Variants in TMEM255A observed in about 807,000 individuals in gnomAD.
TMEM255A encodes transmembrane protein 255A.
In TMEM255A, 14 loss-of-function variants were observed where a neutral mutation model predicts 23.5. The observed-to-expected ratio is 0.60, with a 90% CI of 0.39 to 0.93. The LOEUF (loss-of-function observed/expected upper bound fraction) is 0.93, where lower values mean the gene tolerates loss of function less well. TMEM255A is among the 40% of genes least tolerant of loss of function. The probability of loss-of-function intolerance (pLI) is 0.00; values close to 1 mark genes in which losing one functional copy is unlikely to be tolerated. For synonymous variants in TMEM255A, 104 were observed against 100.3 expected (o/e 1.04, Z -0.22); for missense variants, 233 against 261.7 (o/e 0.89, Z 0.76).
chrX:120,299,388 C>T (rs782551963), intron 2 of TMEM255A, among the ~76,000 whole-genome samples: 2 of 110,934 alleles, frequency 1.8e-5, no homozygotes, highest in Admixed American at 9.5e-5. Flanking sequence ...TAGCTCATTG[C>T]AGCCGGCCTC....
downstream of TMEM255A, chrX:120,254,541 C>T: frequency 8.3e-7 from 1 of 1,211,324 alleles, no homozygotes; most frequent in Non-Finnish European, 1.1e-6. Context: ...ACAGAAGATG[C>T]AGATTCCTAC....
chrX:120,264,936 GGC>G (rs2057705732), intron 8 of TMEM255A, among the ~76,000 whole-genome samples: 4 of 105,682 alleles, frequency 3.8e-5, no homozygotes, highest in Non-Finnish European at 7.7e-5. Flanking sequence ...GGAGTGCAAT[GGC>G]GTGATCTCGG....
At chrX:120,252,139 G>T in the TMEM255A span, among the ~76,000 whole-genome samples, 1 of 111,366 alleles carries the variant, frequency 9.0e-6, no homozygotes, top group South Asian at 3.7e-4. Context: ...TTGTTCTTAA[G>T]GTATCATTTT....
chrX:120,282,405 T>C (rs1325787744), intron 6 of TMEM255A, among the ~76,000 whole-genome samples: 1 of 111,618 alleles, frequency 9.0e-6, no homozygotes, highest in East Asian at 2.8e-4. Flanking sequence ...ACTAGGTAGG[T>C]GAAAGACATT....
Position 120,291,407 on chromosome X carries a change from A to G in TMEM255A, c.265-67T>C, listed in dbSNP as rs140941685. 2.7e-3 allele frequency: 2,415 copies of G among 910,479 alleles called. 38 individuals are homozygous for G. The African/African-American group carries it at 0.042, about 16-fold the overall frequency. 75.0% of individuals were successfully genotyped at this position (910,479 alleles called of 1,213,427 possible). On this transcript the variant is annotated intron_variant, in intron 3 of 8. Transcript: ENST00000371369. ...CACTTGCTGCCTCTGGGGACCAGGCAATCCCCAAGAGACTTCCAGCCAAAG... is the reference window on the plus strand; with the variant it reads ...CACTTGCTGCCTCTGGGGACCAGGCGATCCCCAAGAGACTTCCAGCCAAAG...
intron 7 of TMEM255A, 25 bp downstream of exon 7, chrX:120,276,860 A>G: frequency 1.7e-6 from 2 of 1,201,696 alleles, no homozygotes; most frequent in South Asian, 3.6e-5. Flanking sequence ...GCCACTGTGA[A>G]ATGCAAAGTC....
intron 6 of TMEM255A, among the ~76,000 whole-genome samples, chrX:120,279,090 A>G (rs2048725153): frequency 8.9e-6 from 1 of 112,370 alleles, no homozygotes; most frequent in South Asian, 3.7e-4. Context: ...AAGTTCATCA[A>G]TGTTTGAGAC....
intron 1 of TMEM255A, among the ~76,000 whole-genome samples, chrX:120,306,305 G>T (rs143813915): frequency 0.072 from 7,959 of 111,179 alleles, 300 homozygotes; most frequent in South Asian, 0.18. Context: ...GTAGAGGGTT[G>T]GGGGAAGGCC....
chrX:120,301,585 C>G (rs2058033876), intron 2 of TMEM255A, among the ~76,000 whole-genome samples: 2 of 110,863 alleles, frequency 1.8e-5, no homozygotes, highest in Admixed American at 9.6e-5. Flanking sequence ...CCCCCCACCC[C>G]CCACGGATTC....
At chrX:120,310,494 G>A (rs1388199875) in intron 1 of TMEM255A, among the ~76,000 whole-genome samples, 3 of 111,852 alleles carry the variant, frequency 2.7e-5, no homozygotes, top group Non-Finnish European at 5.7e-5. Flanking sequence ...CAGAAGATGC[G>A]CGGGCTCGCG....
intron 8 of TMEM255A, among the ~76,000 whole-genome samples, chrX:120,263,401 C>T (rs1471356237): frequency 8.9e-6 from 1 of 112,086 alleles, no homozygotes; most frequent in Non-Finnish European, 1.9e-5. Context: ...GCTGGGGTGG[C>T]CAACAGGCTG....
At chrX:120,284,534 A>G (rs1486345783) in intron 6 of TMEM255A, among the ~76,000 whole-genome samples, 1 of 102,045 alleles carries the variant, frequency 9.8e-6, no homozygotes, top group Non-Finnish European at 1.9e-5. Flanking sequence ...GTGCACGTGC[A>G]CGCACACACA....
intron 6 of TMEM255A, among the ~76,000 whole-genome samples, chrX:120,281,638 T>C (rs782506618): frequency 6.2e-5 from 7 of 112,901 alleles, no homozygotes; most frequent in Non-Finnish European, 9.4e-5. Flanking sequence ...TAGCACATAG[T>C]AGGAGCTCAA....
chrX:120,283,446 C>G (rs782653062), intron 6 of TMEM255A, among the ~76,000 whole-genome samples: 23 of 110,648 alleles, frequency 2.1e-4, no homozygotes, highest in Non-Finnish European at 3.4e-4. Context: ...AGTAACTGAC[C>G]CCAAAATACC....
intron 1 of TMEM255A, among the ~76,000 whole-genome samples, chrX:120,306,837 C>T (rs781992608): frequency 8.9e-6 from 1 of 112,184 alleles, no homozygotes; most frequent in Non-Finnish European, 1.9e-5. Flanking sequence ...AGAAAAGTGA[C>T]TCAGCAAACC....
At chrX:120,287,444 C>T (rs2057885378) in intron 4 of TMEM255A, among the ~76,000 whole-genome samples, 3 of 111,369 alleles carry the variant, frequency 2.7e-5, no homozygotes, top group Admixed American at 9.5e-5. Flanking sequence ...TATTAGACTA[C>T]TTGGTTAATG....
In TMEM255A at chrX:120,285,223, T is replaced by C. The variant is rs781916851; in HGVS notation, c.424-8A>G. Reference sequence around the variant, plus strand: ...GAGGTGAGGGCAGTTAACCTGACGGTATATAACAGTGAGGAGATGAGCTGG... The same window carrying C: ...GAGGTGAGGGCAGTTAACCTGACGGCATATAACAGTGAGGAGATGAGCTGG... On this transcript the variant is annotated splice_polypyrimidine_tract_variant and splice_region_variant and intron_variant, in intron 5 of 8. Coordinates refer to ENST00000371369, the MANE Select transcript of TMEM255A (RefSeq NM_001104544.3). The C allele has an allele frequency of 7.5e-6, 9 of 1,195,475 alleles. No homozygotes were observed. The Admixed American group carries it at 2.0e-4, about 26-fold the overall frequency.
intron 7 of TMEM255A, among the ~76,000 whole-genome samples, chrX:120,269,638 C>A (rs1319944119): frequency 9.0e-6 from 1 of 111,614 alleles, no homozygotes; most frequent in Non-Finnish European, 1.9e-5. Flanking sequence ...GTTTGAAGAG[C>A]TACAAACCTC....
intron 1 of TMEM255A, among the ~76,000 whole-genome samples, 165 bp downstream of exon 1, chrX:120,311,087 C>T (rs1556028273): frequency 9.0e-6 from 1 of 111,167 alleles, no homozygotes; most frequent in African/African-American, 3.3e-5. Flanking sequence ...AGGCCGCTCC[C>T]CTGGGACTCT....
Sources: allele counts gnomAD v4.1 joint callset (sites outside exome capture counted in the v4.1 genomes callset), GRCh38; gene constraint gnomAD v4.1.1; transcripts MANE v1.5; gene names NCBI Gene and HGNC (gene_info 2026-07-23, HGNC 2026-07-21).